The following ZNF217 variants were observed in gnomAD, a reference collection of about 807,000 sequenced individuals.
ZNF217 encodes zinc finger protein 217.
Under a neutral mutation model 73.3 loss-of-function variants are expected in ZNF217, and 12 were observed. The observed-to-expected ratio is 0.16, with a 90% CI of 0.10 to 0.27. ZNF217 has a LOEUF of 0.27. Among genes scored for constraint, ZNF217 ranks in the 10% least tolerant of loss-of-function variants. ZNF217 has a pLI of 1.00. For missense variants in ZNF217, 1,195 were observed against 1,327.8 expected, an observed-to-expected ratio of 0.90 and a Z score of 1.55; for synonymous variants, 588 against 516.4, an observed-to-expected ratio of 1.14 and a Z score of -1.88.
chr20:53,589,615 C>T (rs3971362), intron 1 of ZNF217, among the ~76,000 whole-genome samples: 1 of 152,194 alleles, frequency 6.6e-6, no homozygotes, highest in Non-Finnish European at 1.5e-5. Flanking sequence ...TCTTCCACTT[C>T]CTTAAAGTCA....
intron 4 of ZNF217, chr20:53,574,820 G>GAAAAA (rs34510533): frequency 7.1e-6 from 1 of 141,770 alleles, no homozygotes; most frequent in African/African-American, 2.6e-5. Context: ...AAGAAAGAAA[G>GAAAAA]AAAAAAAAAA....
In ZNF217 at chr20:53,582,218, G is replaced by A. The variant is rs779061401; in HGVS notation, c.609C>T (p.Val203=). ...AGATGCTCTCGGCCGCGTGCACCTG[G>A]ACGACCTCGTTGATCGTTGCTGGAC... is the stretch of plus-strand genomic sequence containing the variant. ...ESSPATINEV[V]QVHAAESISS... is the part of the protein sequence containing the mutation. The change falls in exon 2 of 6, where the codon GTC becomes GTT. Residue 203 remains valine, a synonymous_variant. Transcript: ENST00000371471. The surrounding 1 kb of genome is among the most constrained non-coding windows in gnomAD (Gnocchi z 4.8). 1.9e-6 allele frequency: 3 copies of A among 1,614,078 alleles called. No individual in the cohort carries two copies. Among genetic ancestry groups the A allele is most frequent in the Non-Finnish European group, 2.5e-6 (3 of 1,180,038 alleles).
At chr20:53,584,311 T>C (rs559274052) in intron 1 of ZNF217, among the ~76,000 whole-genome samples, 29 of 152,340 alleles carry the variant, frequency 1.9e-4, no homozygotes, top group Non-Finnish European at 4.1e-4. Flanking sequence ...ATACTTTACT[T>C]TCCTCCCTCT....
At chr20:53,574,750 G>C (rs891187643) in intron 4 of ZNF217, 3 of 149,496 alleles carry the variant, frequency 2.0e-5, no homozygotes, top group African/African-American at 7.4e-5. Context: ...AGCCGAGATC[G>C]TGCCACTGCA....
chr20:53,597,118 T>G (rs894890262), upstream of ZNF217, among the ~76,000 whole-genome samples: 13 of 151,420 alleles, frequency 8.6e-5, no homozygotes, highest in African/African-American at 2.9e-4. Flanking sequence ...AAAAAACTTC[T>G]GATTTGCTGT....
rs149936905 is a variant in ZNF217, at chr20:53,582,703, C to T, written c.124G>A (p.Gly42Arg). ...GCTCGGAATGGAACAACAGCGGTCCCTTTCATTGACAAGGCATCCTCCATC... is the reference window on the plus strand; with the variant it reads ...GCTCGGAATGGAACAACAGCGGTCCTTTTCATTGACAAGGCATCCTCCATC... ...MEMEDALSMK[G>R]TAVVPFRATQ... The change falls in exon 2 of 6, where the codon GGG (glycine) becomes AGG (arginine). Residue 42 changes from glycine (G) to arginine (R), a missense_variant. Physicochemically the swap from Gly to Arg is moderately radical, Grantham distance 125 (BLOSUM62 -2). Coordinates refer to ENST00000371471, the MANE Select transcript of ZNF217 (RefSeq NM_006526.3). The surrounding 1 kb of genome is among the most constrained non-coding windows in gnomAD (Gnocchi z 4.8). 35 of 1,613,966 alleles carry T rather than the reference C, an allele frequency of 2.2e-5. No homozygotes were observed. The highest frequency in any genetic ancestry group is 2.9e-5 in the Non-Finnish European group (34 of 1,180,016).
chr20:53,578,558 A>G, intron 2 of ZNF217, 108 bp from the exon 3 acceptor site: 1 of 691,130 alleles, frequency 1.4e-6, no homozygotes, highest in African/African-American at 1.8e-5. Context: ...AGCATGAAAA[A>G]ATTCTTTTAT....
chr20:53,590,118 G>A (rs181450885), intron 1 of ZNF217, among the ~76,000 whole-genome samples: 1 of 151,942 alleles, frequency 6.6e-6, no homozygotes, highest in African/African-American at 2.4e-5. Flanking sequence ...TCTGTTTTTA[G>A]ATTTCAATTG....
rs745912170 is a variant in ZNF217, at chr20:53,582,122, G to A, written c.705C>T (p.Arg235=). ...FPNKESLIEH[R]KVHTKKTAFG... ...AAGCAGTTTTTTTGGTGTGCACCTT[G>A]CGGTGCTCAATTAGACTTTCTTTAT... Residue 235 remains arginine (R), a synonymous_variant, in exon 2 of 6, where the codon CGC becomes CGT. Coordinates refer to ENST00000371471, the MANE Select transcript of ZNF217 (RefSeq NM_006526.3). This position sits in a 1 kb window ranked among gnomAD's most constrained non-coding sequence, Gnocchi z 4.8. 4 of 1,614,100 alleles carry A rather than the reference G, an allele frequency of 2.5e-6. No individual in the cohort carries two copies. Among genetic ancestry groups the A allele is most frequent in the African/African-American group, 2.7e-5 (2 of 74,930 alleles).
At chr20:53,594,165 C>T (rs1315571665), upstream of ZNF217, among the ~76,000 whole-genome samples, 1 of 151,142 alleles carries the variant, frequency 6.6e-6, no homozygotes, top group Non-Finnish European at 1.5e-5. Flanking sequence ...AAGGCGCGGG[C>T]GCCCCCTACT....
Position 53,576,735 on chromosome 20 carries a change from T to A in ZNF217, c.2029A>T (p.Arg677Trp). 1 of 1,614,228 alleles carries A rather than the reference T, an allele frequency of 6.2e-7. No individual in the cohort carries two copies. Among genetic ancestry groups the A allele is most frequent in the Non-Finnish European group, 8.5e-7 (1 of 1,180,042 alleles). ...QTETAADCRYRPSVDCHEKPL... is the reference protein window; with the variant it reads ...QTETAADCRYWPSVDCHEKPL... Reference sequence around the variant, plus strand: ...TTTTCGTGACAATCCACACTTGGCCTGTATCTGCAGTCAGCTGCGGTCTCC... The same window carrying A: ...TTTTCGTGACAATCCACACTTGGCCAGTATCTGCAGTCAGCTGCGGTCTCC... The change falls in exon 4 of 6, where the codon AGG (arginine) becomes TGG (tryptophan). Residue 677 changes from arginine to tryptophan, a missense_variant. Physicochemically the swap from Arg to Trp is moderately radical, Grantham distance 101. Transcript: ENST00000371471.
chr20:53,578,433 C>A lies in ZNF217; in HGVS notation c.1384G>T (p.Gly462Ter). ...GAAGATGTAAGATGTTTTATTTTTC[C>A]TCCATCATCATTTTTATCTTAAAGG... ...GIHLDKNDDGGKIKHLTSSRE... is the reference protein window; with the variant it reads ...GIHLDKNDDG The change falls in exon 3 of 6, where the codon GGA becomes TGA. Residue 462 changes from glycine (G) to a stop codon, truncating the protein, a stop_gained. Coordinates refer to ENST00000371471, the MANE Select transcript of ZNF217 (RefSeq NM_006526.3). LOFTEE classifies it high-confidence loss of function. 6.4e-7 allele frequency: 1 copy of A among 1,562,216 alleles called. No individual in the cohort carries two copies. Among genetic ancestry groups the A allele is most frequent in the East Asian group, 2.3e-5 (1 of 42,886 alleles).
At chr20:53,584,386 T>C (rs1011836382) in intron 1 of ZNF217, among the ~76,000 whole-genome samples, 3 of 152,256 alleles carry the variant, frequency 2.0e-5, no homozygotes, top group Non-Finnish European at 4.4e-5. Context: ...CATCTCCTCC[T>C]TTACACTCCG....
chr20:53,589,206 G>C (rs1337721086), intron 1 of ZNF217, among the ~76,000 whole-genome samples: 2 of 152,186 alleles, frequency 1.3e-5, no homozygotes, highest in African/African-American at 4.8e-5. Flanking sequence ...TTTTCTATAG[G>C]AAGTACAGTC....
At chr20:53,579,431 T>A (rs1375312614) in intron 2 of ZNF217, among the ~76,000 whole-genome samples, 1 of 152,208 alleles carries the variant, frequency 6.6e-6, no homozygotes, top group African/African-American at 2.4e-5. Context: ...AGGATGATAG[T>A]ACAATATGAT....
At chr20:53,593,100 G>A (rs1287539191) in intron 1 of ZNF217, among the ~76,000 whole-genome samples, 1 of 152,024 alleles carries the variant, frequency 6.6e-6, no homozygotes, top group African/African-American at 2.4e-5. Flanking sequence ...TCAGGGATGA[G>A]CAGGCGCCCC....
At position 53,581,397 on chromosome 20, in the gene ZNF217, G is replaced by C. The variant is rs180857618; in HGVS notation, c.1366+64C>G. On this transcript the variant is annotated intron_variant, in intron 2 of 5. Coordinates refer to ENST00000371471, the MANE Select transcript of ZNF217 (RefSeq NM_006526.3). The surrounding 1 kb of genome is among the most constrained non-coding windows in gnomAD (Gnocchi z 4.9). ...CGTTGTCTGGAGATGGGAATAGAGA[G>C]GGGGAGACGGGGAGACAGACAGACA... 1.0e-5 allele frequency: 16 copies of C among 1,525,890 alleles called. No individual in the cohort carries two copies. The highest frequency in any genetic ancestry group is 9.1e-5 in the East Asian group (4 of 44,080). The allele number at this position is 1,525,890 out of a possible 1,614,324, so 94.5% of individuals were successfully genotyped here. A position where few individuals can be genotyped will look rare whatever the true frequency, so the allele number is the denominator to read the frequency against.
Position 53,571,852 on chromosome 20 carries a change from TCCTGATTG to T in ZNF217, c.3038-7_3038del. On this transcript the variant is annotated splice_acceptor_variant and splice_polypyrimidine_tract_variant and coding_sequence_variant and intron_variant, in exon 5 of 6. Transcript: ENST00000371471. LOFTEE classifies it high-confidence loss of function. ...AGTGTTGATATGACACAGGCCTTTT[TCCTGATTG>T]AAAAAAAAAACATATTTAGAGTTAA... The T allele has an allele frequency of 6.3e-7, 1 of 1,589,642 alleles. No homozygotes were observed. Among genetic ancestry groups the T allele is most frequent in the Admixed American group, 1.9e-5 (1 of 53,386 alleles).
Position 53,571,352 on chromosome 20 carries a change from T to C in ZNF217, c.*23+369A>G, listed in dbSNP as rs1987988650. Among the ~76,000 whole-genome samples the C allele has an allele frequency of 1.3e-5, 2 of 151,530 alleles. 1 individual carries two copies. Among genetic ancestry groups the C allele is most frequent in the South Asian group, 4.2e-4 (2 of 4,806 alleles). ...ACTTAAAAGCAATTTTGTTACATTATATTAGACAACTTAATGGTTTATTTC... is the reference window on the plus strand; with the variant it reads ...ACTTAAAAGCAATTTTGTTACATTACATTAGACAACTTAATGGTTTATTTC... On this transcript the variant is annotated intron_variant, in intron 5 of 5. Coordinates refer to ENST00000371471, the MANE Select transcript of ZNF217 (RefSeq NM_006526.3).
Sources: allele counts gnomAD v4.1 joint callset (sites outside exome capture counted in the v4.1 genomes callset), GRCh38; gene constraint gnomAD v4.1.1; non-coding constraint Gnocchi (gnomAD v3.1); transcripts MANE v1.5; gene names NCBI Gene and HGNC (gene_info 2026-07-23, HGNC 2026-07-21).